TNS2: variants seen among roughly 807,000 people sequenced by gnomAD.
TNS2 encodes tensin 2, also known as tensin-2.
Under a neutral mutation model 155.7 loss-of-function variants are expected in TNS2, and 77 were observed. That is an observed-to-expected ratio of 0.49 (90% CI 0.41 to 0.60). The LOEUF is 0.60. Ranked by LOEUF, TNS2 falls within the 20% of genes least tolerant of loss-of-function variation. TNS2 has a pLI of 0.00. For missense variants in TNS2, 1,703 were observed against 1,868.8 expected, an observed-to-expected ratio of 0.91 and a Z score of 1.64; for synonymous variants, 726 against 763.9, an observed-to-expected ratio of 0.95 and a Z score of 0.82.
intron 10 of TNS2, 31 bp from the exon 11 acceptor site, chr12:53,056,982 T>A (rs1305739889): frequency 1.2e-6 from 2 of 1,604,144 alleles, no homozygotes; most frequent in East Asian, 2.2e-5. Flanking sequence ...GATTAATCCC[T>A]AATCCCCAAC....
rs181073456 is a variant in TNS2, at chr12:53,050,655, G to T, written c.75+395G>T. Among the ~76,000 whole-genome samples, 5 of 152,168 alleles carry T rather than the reference G, an allele frequency of 3.3e-5. No homozygotes were observed. The highest frequency in any genetic ancestry group is 1.2e-4 in the African/African-American group (5 of 41,432). ...GAAATGGGGTGGCAGGGTGGAAAAA[G>T]AGAGAGGAGAGGGAGTCAGGAGTGC... On this transcript the variant is annotated intron_variant, in intron 1 of 28. Coordinates refer to ENST00000314250, the MANE Select transcript of TNS2 (RefSeq NM_170754.4). The surrounding 1 kb of genome is among the most constrained non-coding windows in gnomAD (Gnocchi z 4.7).
At chr12:53,057,868 T>A in intron 13 of TNS2, 35 bp downstream of exon 13, 1 of 1,613,500 alleles carries the variant, frequency 6.2e-7, no homozygotes, top group Non-Finnish European at 8.5e-7. Flanking sequence ...TGACACTTCA[T>A]GACCAGGGCC....
In TNS2 at chr12:53,050,066, G is replaced by T; in HGVS notation, c.-120G>T. ...GCCGGGCTTCTCCTCACACCAGCCA[G>T]ACAGCCTACCCTCCGCCCAGGGGAA... On this transcript the variant is annotated 5_prime_UTR_variant, in exon 1 of 29. Transcript: ENST00000314250. This position sits in a 1 kb window ranked among gnomAD's most constrained non-coding sequence, Gnocchi z 4.7. 6.6e-7 allele frequency: 1 copy of T among 1,518,254 alleles called. No individual in the cohort carries two copies. Among genetic ancestry groups the T allele is most frequent in the South Asian group, 1.2e-5 (1 of 81,236 alleles). 94.0% of individuals were successfully genotyped at this position (1,518,254 alleles called of 1,614,324 possible). A position where few individuals can be genotyped will look rare whatever the true frequency, so the allele number is the denominator to read the frequency against.
chr12:53,048,513 G>C (rs532236454), upstream of TNS2, among the ~76,000 whole-genome samples: 1 of 152,080 alleles, frequency 6.6e-6, no homozygotes, highest in Non-Finnish European at 1.5e-5. Flanking sequence ...GCTCGACAAG[G>C]CCAGGCCCGG....
chr12:53,059,046 G>T lies in TNS2; in HGVS notation c.1406-1G>T. 6.5e-7 allele frequency: 1 copy of T among 1,535,860 alleles called. No homozygotes were observed. The highest frequency in any genetic ancestry group is 8.8e-7 in the Non-Finnish European group (1 of 1,142,364). On this transcript the variant is annotated splice_acceptor_variant, in intron 17 of 28. Transcript: ENST00000314250. LOFTEE classifies it high-confidence loss of function. This position sits in a 1 kb window ranked among gnomAD's most constrained non-coding sequence, Gnocchi z 4.7. ...CCTCCCTGATCCTCTTCCCCACTCA[G>T]GCTCCTTGACCCACACCCGGGGTCC...
At chr12:53,048,054 A>T (rs562163419), upstream of TNS2, among the ~76,000 whole-genome samples, 6 of 152,288 alleles carry the variant, frequency 3.9e-5, no homozygotes, top group African/African-American at 1.4e-4. Context: ...AGGCTCTGGA[A>T]TGTTACAGGC....
intron 11 of TNS2, 70 bp from the exon 12 acceptor site, chr12:53,057,497 A>G: frequency 8.7e-7 from 1 of 1,152,146 alleles, no homozygotes; most frequent in Non-Finnish European, 1.3e-6. Flanking sequence ...CTAAGGGTGG[A>G]TGGTTGAAAT....
rs769644255 is a variant in TNS2 at position 53,063,606 on chromosome 12, C to G, written c.4091+14C>G. On this transcript the variant is annotated intron_variant, in intron 28 of 28. Transcript: ENST00000314250. The surrounding 1 kb of genome is among the most constrained non-coding windows in gnomAD (Gnocchi z 5.6). ...GACCACCTCCAAGTAAGCCTCCCCACGAATTCAGCCTCTTCCTTCCAAGGG... is the reference window on the plus strand; with the variant it reads ...GACCACCTCCAAGTAAGCCTCCCCAGGAATTCAGCCTCTTCCTTCCAAGGG... The G allele has an allele frequency of 2.5e-6, 4 of 1,614,040 alleles. No individual in the cohort carries two copies. The highest frequency in any genetic ancestry group is 1.7e-5 in the Admixed American group (1 of 59,998).
intron 3 of TNS2, 99 bp from the exon 4 acceptor site, chr12:53,053,312 G>T (rs1224238993): frequency 6.1e-5 from 85 of 1,394,924 alleles, no homozygotes; most frequent in Non-Finnish European, 8.0e-5. Context: ...TCCACTGAAG[G>T]CCCCTCCACC....
At chr12:53,052,182 C>T in intron 2 of TNS2, 1 of 604,552 alleles carries the variant, frequency 1.7e-6, no homozygotes, top group Admixed American at 3.0e-5. Context: ...CCATCACCTT[C>T]CCATCCTGAC....
At chr12:53,062,034 A>T (rs1371555844) in intron 22 of TNS2, 94 bp downstream of exon 22, 55 of 1,611,432 alleles carry the variant, frequency 3.4e-5, no homozygotes, top group Non-Finnish European at 4.5e-5. Flanking sequence ...TGTGCTGGCC[A>T]TGCCGCTGTA....
upstream of TNS2, chr12:53,049,774 A>G (rs556781268): frequency 3.7e-6 from 1 of 269,650 alleles, no homozygotes; most frequent in Non-Finnish European, 7.2e-6. Flanking sequence ...CCCTGCCCCG[A>G]GACCAGAATT....
chr12:53,060,576 T>C lies in TNS2; in HGVS notation c.2768+21T>C. 1 of 1,607,744 alleles carries C rather than the reference T, an allele frequency of 6.2e-7. No homozygotes were observed. Among genetic ancestry groups the C allele is most frequent in the Non-Finnish European group, 8.5e-7 (1 of 1,176,370 alleles). ...GAAAGGTATGCAGAGGGGCCGGGGA[T>C]GCTCGAGTGCTTTCTTGTCCAAGCA... On this transcript the variant is annotated intron_variant, in intron 19 of 28. Transcript: ENST00000314250. The surrounding 1 kb of genome is among the most constrained non-coding windows in gnomAD (Gnocchi z 6.1).
chr12:53,063,459 C>A lies in TNS2; in HGVS notation c.4061+42C>A. On this transcript the variant is annotated intron_variant, in intron 27 of 28. Coordinates refer to ENST00000314250, the MANE Select transcript of TNS2 (RefSeq NM_170754.4). The surrounding 1 kb of genome is among the most constrained non-coding windows in gnomAD (Gnocchi z 5.6). ...ACCCTTTGCCCCAAATCCCCATGGT[C>A]CCACCAGGTCCCAGCTCCCAGCCCC... 1 of 1,612,798 alleles carries A rather than the reference C, an allele frequency of 6.2e-7. No individual in the cohort carries two copies. Among genetic ancestry groups the A allele is most frequent in the Non-Finnish European group, 8.5e-7 (1 of 1,179,906 alleles).
rs1265793791 is a variant in TNS2 at position 53,060,420 on chromosome 12, T to C, written c.2633T>C (p.Val878Ala). The C allele has an allele frequency of 1.2e-6, 2 of 1,613,154 alleles. No homozygotes were observed. Among genetic ancestry groups the C allele is most frequent in the South Asian group, 2.2e-5 (2 of 91,056 alleles). ...PLASAESLEP[V>A]SWREGPSGHS... ...TTCACTGCAGAGTCGCTGGAGCCGG[T>C]GTCCTGGAGGGAGGGCCCCAGTGGG... Residue 878 changes from valine (V) to alanine (A), a missense_variant, in exon 19 of 29, where the codon GTG (valine) becomes GCG (alanine). Physicochemically the swap from Val to Ala is moderately conservative, Grantham distance 64. Coordinates refer to ENST00000314250, the MANE Select transcript of TNS2 (RefSeq NM_170754.4). This position sits in a 1 kb window ranked among gnomAD's most constrained non-coding sequence, Gnocchi z 6.1.
chr12:53,055,403 G>A (rs997765485), intron 8 of TNS2, among the ~76,000 whole-genome samples, 165 bp from the exon 9 acceptor site: 21 of 152,162 alleles, frequency 1.4e-4, no homozygotes, highest in African/African-American at 5.1e-4. Context: ...TGATGCAGCA[G>A]GTATCAGCCC....
chr12:53,061,465 C>A lies in TNS2; in HGVS notation c.3444C>A (p.Asp1148Glu). The A allele has an allele frequency of 6.2e-7, 1 of 1,614,052 alleles. No homozygotes were observed. Among genetic ancestry groups the A allele is most frequent in the East Asian group, 2.2e-5 (1 of 44,888 alleles). ...GGTACAAGCCACACCTGTCCCGTGACCAAGGTGAGAAGCCAGCCTGCCCCC... is the reference window on the plus strand; with the variant it reads ...GGTACAAGCCACACCTGTCCCGTGAACAAGGTGAGAAGCCAGCCTGCCCCC... ...KFWYKPHLSR[D>E]QAIALLKDKD... The change falls in exon 21 of 29, where the codon GAC becomes GAA. Residue 1148 changes from aspartate to glutamate, a missense_variant. Transcript: ENST00000314250.
chr12:53,062,165 A>C lies in TNS2; in HGVS notation c.3587A>C (p.Glu1196Ala). 6.2e-7 allele frequency: 1 copy of C among 1,614,014 alleles called. No individual in the cohort carries two copies. Among genetic ancestry groups the C allele is most frequent in the Non-Finnish European group, 8.5e-7 (1 of 1,179,954 alleles). Residue 1196 changes from glutamate to alanine, a missense_variant, in exon 23 of 29, where the codon GAA becomes GCA. Coordinates refer to ENST00000314250, the MANE Select transcript of TNS2 (RefSeq NM_170754.4). ...SAQPWKGDPVEQLVRHFLIET... is the reference protein window; with the variant it reads ...SAQPWKGDPVAQLVRHFLIET... ...CGCCTCCTCTCAGGGGACCCCGTGG[A>C]ACAGCTGGTCCGCCATTTCCTCATC...
upstream of TNS2, chr12:53,049,301 G>C: frequency 2.0e-6 from 3 of 1,481,756 alleles, no homozygotes; most frequent in East Asian, 7.0e-5. Context: ...CCCTTGGGTA[G>C]AGAGCCCAAG....
Sources: gnomAD v4.1 joint callset for allele counts (sites outside exome capture counted in the v4.1 genomes callset) on GRCh38, gnomAD v4.1.1 for gene constraint, Gnocchi (gnomAD v3.1) non-coding constraint, MANE v1.5 for transcripts, NCBI Gene and HGNC (gene_info 2026-07-23, HGNC 2026-07-21) for gene names.